GPR161: variants seen among roughly 807,000 people sequenced by gnomAD.
GPR161 encodes the protein G protein-coupled receptor 161.
In GPR161, 25 loss-of-function variants were observed where a neutral mutation model predicts 39.2. The observed-to-expected ratio is 0.64, with a 90% CI of 0.47 to 0.89. GPR161 has a LOEUF of 0.89. GPR161 is among the 40% of genes least tolerant of loss of function. The pLI is 0.00. For missense variants in GPR161, 547 were observed against 677.8 expected (o/e 0.81, Z 2.14); for synonymous variants, 286 against 276.6 (o/e 1.03, Z -0.34).
rs112300982 is a variant in GPR161, at chr1:168,136,549, G to A, written c.-45+190C>T. The A allele has an allele frequency of 2.3e-3, 2,832 of 1,257,748 alleles. 56 individuals carry two copies. In the African/African-American group the frequency reaches 0.041, roughly 18 times the overall value. The allele number at this position is 1,257,748 out of a possible 1,614,324, so 77.9% of individuals were successfully genotyped here. A position where few individuals can be genotyped will look rare whatever the true frequency, so the allele number is the denominator to read the frequency against. Reference sequence around the variant, plus strand: ...AAAGAGCTCCAGCTCTCCAAAGCAAGGCGCAGTGCGGGCGGAGGACAGCCC... The same window carrying A: ...AAAGAGCTCCAGCTCTCCAAAGCAAAGCGCAGTGCGGGCGGAGGACAGCCC... On this transcript the variant is annotated intron_variant, in intron 1 of 5. Transcript: ENST00000682931.
Position 168,085,668 on chromosome 1 carries a change from G to A in GPR161, c.1453C>T (p.Pro485Ser). 1 of 1,614,206 alleles carries A rather than the reference G, an allele frequency of 6.2e-7. No individual in the cohort carries two copies. Among genetic ancestry groups the A allele is most frequent in the South Asian group, 1.1e-5 (1 of 91,082 alleles). ...KINLFGEEALPGVLVTARTVP... is the reference protein window; with the variant it reads ...KINLFGEEALSGVLVTARTVP... ...GTCCGTGCTGTAACCAAGACCCCTG[G>A]CAAAGCCTCCTCCCCAAATAAGTTG... The change falls in exon 6 of 6, where the codon CCA becomes TCA. Residue 485 changes from proline (P) to serine (S), a missense_variant. Pro to Ser is a moderately conservative substitution (Grantham distance 74). Transcript: ENST00000682931.
intron 1 of GPR161, chr1:168,136,014 C>T: frequency 1.6e-6 from 2 of 1,227,980 alleles, no homozygotes; most frequent in South Asian, 7.9e-5. Flanking sequence ...ACTTACCCAA[C>T]AGACGTTCTC....
rs964520376 is a variant in GPR161 at position 168,111,174 on chromosome 1, G to A, written c.-44-6280C>T. Reference sequence around the variant, plus strand: ...GTCCAACAGAAGGGCAGCAGGCGAGGTTAGAGAGAATTAAAGGAGTAGACA... The same window carrying A: ...GTCCAACAGAAGGGCAGCAGGCGAGATTAGAGAGAATTAAAGGAGTAGACA... On this transcript the variant is annotated intron_variant, in intron 1 of 5. Coordinates refer to ENST00000682931, the MANE Select transcript of GPR161 (RefSeq NM_001375883.1). Among the ~76,000 whole-genome samples the A allele has an allele frequency of 2.0e-5, 3 of 152,216 alleles. No individual in the cohort carries two copies. In the South Asian group the frequency reaches 6.2e-4, roughly 32 times the overall value.
intron 2 of GPR161, among the ~76,000 whole-genome samples, chr1:168,099,434 G>A (rs1695878452): frequency 6.6e-6 from 1 of 152,166 alleles, no homozygotes. Context: ...CCGGTTGTGG[G>A]AGCCAGGCCT....
chr1:168,137,178 C>G (rs1463137579), upstream of GPR161: 26 of 1,405,946 alleles, frequency 1.8e-5, no homozygotes, highest in Non-Finnish European at 2.4e-5. Flanking sequence ...CTCGGCTCGC[C>G]CCACTTTTCT....
At chr1:168,110,315 G>C (rs6692861) in intron 1 of GPR161, among the ~76,000 whole-genome samples, 32,878 of 151,508 alleles carry the variant, frequency 0.22, 4,081 homozygotes, top group Admixed American at 0.38. Flanking sequence ...ACCACCCAGG[G>C]AAATGTGGTG....
chr1:168,083,345 G>C lies in GPR161; in HGVS notation c.*2186C>G, dbSNP rs1694204613. 1 of 152,206 alleles carries C rather than the reference G, an allele frequency of 6.6e-6. No individual in the cohort carries two copies. The highest frequency in any genetic ancestry group is 2.4e-5 in the African/African-American group (1 of 41,426). 9.4% of individuals were successfully genotyped at this position (152,206 alleles called of 1,614,324 possible). ...GCTAGTGTGGGGTCAGTGGGGGAGT[G>C]GGGGGCTGTCTCAGGATTCTTTCCC... On this transcript the variant is annotated 3_prime_UTR_variant, in exon 6 of 6. Transcript: ENST00000682931.
intron 2 of GPR161, among the ~76,000 whole-genome samples, chr1:168,099,057 G>C (rs1467074861): frequency 6.6e-6 from 1 of 152,214 alleles, no homozygotes; most frequent in Non-Finnish European, 1.5e-5. Flanking sequence ...CCCGGATGGT[G>C]CCTACCCTTC....
At position 168,085,382 on chromosome 1, in the gene GPR161, C is replaced by T. The variant is rs1694377104; in HGVS notation, c.*149G>A. 1.5e-6 allele frequency: 1 copy of T among 688,672 alleles called. No individual in the cohort carries two copies. The highest frequency in any genetic ancestry group is 2.5e-6 in the Non-Finnish European group (1 of 399,370). The allele number at this position is 688,672 out of a possible 1,614,324, so 42.7% of individuals were successfully genotyped here. A position where few individuals can be genotyped will look rare whatever the true frequency, so the allele number is the denominator to read the frequency against. ...TGTAGACATTATTTTCAGTCCTTGT[C>T]CTGGTGGCTGCATACCAGATGCTGC... On this transcript the variant is annotated 3_prime_UTR_variant, in exon 6 of 6. Transcript: ENST00000682931.
At chr1:168,122,120 C>A (rs2102235790) in intron 1 of GPR161, among the ~76,000 whole-genome samples, 1 of 152,270 alleles carries the variant, frequency 6.6e-6, no homozygotes, top group South Asian at 2.1e-4. Flanking sequence ...AAGACTGTGT[C>A]CAAAACCAGA....
chr1:168,126,559 T>A (rs1416603302), intron 1 of GPR161, among the ~76,000 whole-genome samples: 1 of 152,100 alleles, frequency 6.6e-6, no homozygotes, highest in Non-Finnish European at 1.5e-5. Flanking sequence ...TCAGGTGACC[T>A]TCCCACCTCA....
At chr1:168,114,971 G>A (rs889714991) in intron 1 of GPR161, among the ~76,000 whole-genome samples, 2 of 152,160 alleles carry the variant, frequency 1.3e-5, no homozygotes, top group African/African-American at 4.8e-5. Context: ...ATGCTCACAT[G>A]ACCCTAGGTC....
chr1:168,137,007 GCCTCC>G, upstream of GPR161: 1 of 734,200 alleles, frequency 1.4e-6, no homozygotes, highest in Non-Finnish European at 1.6e-6. Context: ...GCCCCGAGCC[GCCTCC>G]CCGCGCCCCG....
At position 168,136,357 on chromosome 1, in the gene GPR161, G is replaced by A. The variant is rs1240788177; in HGVS notation, c.-45+382C>T. 3.4e-6 allele frequency: 5 copies of A among 1,470,830 alleles called. No individual in the cohort carries two copies. In the South Asian group the frequency reaches 5.3e-5, roughly 15 times the overall value. The allele number at this position is 1,470,830 out of a possible 1,614,324, so 91.1% of individuals were successfully genotyped here. On this transcript the variant is annotated intron_variant, in intron 1 of 5. Coordinates refer to ENST00000682931, the MANE Select transcript of GPR161 (RefSeq NM_001375883.1). ...CTCTTGGCCCCAGGGGGCGCGGCCC[G>A]CATCGGCAGAGTCCCGGGCACGCAC...
intron 1 of GPR161, among the ~76,000 whole-genome samples, chr1:168,135,663 GAGA>G (rs36125415): frequency 0.26 from 38,785 of 152,020 alleles, 5,603 homozygotes; most frequent in Admixed American, 0.4. Flanking sequence ...GTCACTAGGG[GAGA>G]AGAAGCCAGG....
intron 1 of GPR161, among the ~76,000 whole-genome samples, chr1:168,132,099 T>G (rs931435312): frequency 6.6e-6 from 1 of 152,080 alleles, no homozygotes; most frequent in Non-Finnish European, 1.5e-5. Flanking sequence ...ACCCCTTCTC[T>G]ACTAAAAATA....
At position 168,080,314 on chromosome 1, in the gene GPR161, A is replaced by ACCTTC. The variant is rs1553255753; in HGVS notation, c.*5216_*5217insGAAGG. 6.6e-6 allele frequency: 1 copy of ACCTTC among 152,194 alleles called. No homozygotes were observed. The highest frequency in any genetic ancestry group is 1.5e-5 in the Non-Finnish European group (1 of 68,088). 9.4% of individuals were successfully genotyped at this position (152,194 alleles called of 1,614,324 possible). ...TACCTCATCTTCCTTGACCTATAAG[A>ACCTTC]CTAGCTCCTTGCTTTTCTCATCCCC... is the stretch of plus-strand genomic sequence containing the variant. On this transcript the variant is annotated 3_prime_UTR_variant, in exon 6 of 6. Transcript: ENST00000682931.
chr1:168,116,363 A>G (rs1697631257), intron 1 of GPR161, among the ~76,000 whole-genome samples: 1 of 152,102 alleles, frequency 6.6e-6, no homozygotes, highest in African/African-American at 2.4e-5. Flanking sequence ...ACCACTTCCA[A>G]CAAGTCCAGG....
At chr1:168,094,462 T>C (rs1695343319) in intron 3 of GPR161, among the ~76,000 whole-genome samples, 1 of 152,160 alleles carries the variant, frequency 6.6e-6, no homozygotes, top group Non-Finnish European at 1.5e-5. Context: ...TTTTCTCCTA[T>C]GGTTAAAAGT....
Sources: gnomAD v4.1 joint callset for allele counts (sites outside exome capture counted in the v4.1 genomes callset) on GRCh38, gnomAD v4.1.1 for gene constraint, MANE v1.5 for transcripts, NCBI Gene and HGNC (gene_info 2026-07-23, HGNC 2026-07-21) for gene names.